Variants in ARHGAP21 observed in about 807,000 individuals in gnomAD.
ARHGAP21 encodes the protein rho GTPase-activating protein 21.
A neutral mutation model predicts 164.6 loss-of-function variants in ARHGAP21; 38 were observed. The ratio of observed to expected loss-of-function variants is 0.23; its 90% confidence interval spans 0.18 to 0.30. The LOEUF (loss-of-function observed/expected upper bound fraction) is 0.30, where lower values mean the gene tolerates loss of function less well. Among genes scored for constraint, ARHGAP21 ranks in the 10% least tolerant of loss-of-function variants. The probability of loss-of-function intolerance (pLI) is 1.00; values close to 1 mark genes in which losing one functional copy is unlikely to be tolerated. For synonymous variants in ARHGAP21, 766 were observed against 857.9 expected (o/e 0.89, Z 1.87); for missense variants, 1,822 against 2,370.7 (o/e 0.77, Z 4.81).
chr10:24,636,304 G>A (rs1426367400), intron 4 of ARHGAP21, among the ~76,000 whole-genome samples: 3 of 152,322 alleles, frequency 2.0e-5, no homozygotes, highest in African/African-American at 7.2e-5. Flanking sequence ...TAGTTCTAAA[G>A]GTGTGGTCCC....
intron 4 of ARHGAP21, among the ~76,000 whole-genome samples, chr10:24,653,423 A>C (rs1033604331): frequency 3.3e-5 from 5 of 152,142 alleles, no homozygotes; most frequent in African/African-American, 4.8e-5. Context: ...AAATACAAAA[A>C]AAATTAGCCA....
At chr10:24,651,633 A>G (rs533454843) in intron 4 of ARHGAP21, among the ~76,000 whole-genome samples, 2 of 152,330 alleles carry the variant, frequency 1.3e-5, no homozygotes, top group Non-Finnish European at 2.9e-5. Flanking sequence ...CACTGTGGAC[A>G]AGTTTGGTTT....
chr10:24,599,755 T>G (rs1208552658), intron 14 of ARHGAP21, among the ~76,000 whole-genome samples: 2 of 152,202 alleles, frequency 1.3e-5, no homozygotes, highest in Non-Finnish European at 2.9e-5. Context: ...AAAAACTATC[T>G]TTACTATTGA....
chr10:24,672,884 C>CAAAAACA (rs1555000041), intron 2 of ARHGAP21, among the ~76,000 whole-genome samples: 123 of 147,620 alleles, frequency 8.3e-4, no homozygotes, highest in South Asian at 3.0e-3. Flanking sequence ...AAAACAAAAA[C>CAAAAACA]AAAAAAAAAC....
At chr10:24,721,581 C>T (rs1379478233) in intron 2 of ARHGAP21, among the ~76,000 whole-genome samples, 2 of 152,212 alleles carry the variant, frequency 1.3e-5, no homozygotes, top group Non-Finnish European at 2.9e-5. Flanking sequence ...GAATTCCTGG[C>T]TCTGAGAAGG....
At chr10:24,589,683 T>C (rs2076253372) in intron 24 of ARHGAP21, 1 of 181,124 alleles carries the variant, frequency 5.5e-6, no homozygotes. Context: ...TGATACACAA[T>C]GTAGAACTTT....
rs1166500495 is a variant in ARHGAP21 at position 24,585,244 on chromosome 10, G to C, written c.5045C>G (p.Thr1682Arg). 4 of 1,606,066 alleles carry C rather than the reference G, an allele frequency of 2.5e-6. No individual in the cohort carries two copies. Among genetic ancestry groups the C allele is most frequent in the Admixed American group, 3.3e-5 (2 of 59,918 alleles). ...CTGTCTCCGGCTATCTAAACTTGAT[G>C]TTAAACTTCCCTCGGTGCAACTTAA... Reference protein sequence around the residue: ...SELSCTEGSLTSSLDSRRQLF... With the variant: ...SELSCTEGSLRSSLDSRRQLF... The change falls in exon 26 of 26, where the codon ACA becomes AGA. Residue 1682 changes from threonine to arginine, a missense_variant. Thr to Arg is a moderately conservative substitution (Grantham distance 71). This residue lies in a region of ARHGAP21 where 117 missense variants were observed against 193.2 expected (regional missense o/e 0.61). Coordinates refer to ENST00000396432, the MANE Select transcript of ARHGAP21 (RefSeq NM_020824.4).
chr10:24,591,387 A>G, intron 23 of ARHGAP21, 57 bp from the exon 24 acceptor site: 1 of 1,454,036 alleles, frequency 6.9e-7, no homozygotes, highest in Non-Finnish European at 9.5e-7. Flanking sequence ...TTTCTTTAAA[A>G]TTTAAACAAC....
At chr10:24,654,318 GAA>G (rs1446513114) in intron 4 of ARHGAP21, among the ~76,000 whole-genome samples, 2 of 152,126 alleles carry the variant, frequency 1.3e-5, no homozygotes, top group Non-Finnish European at 2.9e-5. Flanking sequence ...ATTCAATTAG[GAA>G]AAGAGGAGGT....
chr10:24,668,963 G>A (rs1840449654), intron 3 of ARHGAP21, among the ~76,000 whole-genome samples: 1 of 152,110 alleles, frequency 6.6e-6, no homozygotes, highest in Non-Finnish European at 1.5e-5. Flanking sequence ...TAATTATCAA[G>A]TGCTCTCATA....
intron 3 of ARHGAP21, 35 bp downstream of exon 3, chr10:24,670,183 T>C (rs531076679): frequency 6.9e-7 from 1 of 1,459,822 alleles, no homozygotes; most frequent in Non-Finnish European, 9.2e-7. Context: ...GGCCTTGTGG[T>C]TTTTTTTTCA....
chr10:24,670,981 C>T (rs1251090746), intron 2 of ARHGAP21, among the ~76,000 whole-genome samples: 1 of 152,166 alleles, frequency 6.6e-6, no homozygotes, highest in East Asian at 1.9e-4. Context: ...CCTTCTAAGC[C>T]CAAATCAAGA....
intron 24 of ARHGAP21, 144 bp downstream of exon 24, chr10:24,591,081 G>T: frequency 1.0e-6 from 1 of 967,762 alleles, no homozygotes; most frequent in Non-Finnish European, 1.5e-6. Context: ...AATTGGAAAA[G>T]GAAGATTAAG....
intron 12 of ARHGAP21, among the ~76,000 whole-genome samples, chr10:24,602,625 C>G (rs1488698386): frequency 6.6e-6 from 1 of 152,078 alleles, no homozygotes; most frequent in African/African-American, 2.4e-5. Context: ...ACAGCTAATT[C>G]TAGGTCATTA....
At chr10:24,713,803 T>C (rs549129788) in intron 2 of ARHGAP21, among the ~76,000 whole-genome samples, 2 of 152,282 alleles carry the variant, frequency 1.3e-5, no homozygotes, top group African/African-American at 4.8e-5. Context: ...TATAGTACAA[T>C]ATATCCATTT....
intron 9 of ARHGAP21, among the ~76,000 whole-genome samples, 178 bp downstream of exon 9, chr10:24,619,295 A>T (rs1234400668): frequency 6.6e-6 from 1 of 152,134 alleles, no homozygotes; most frequent in Non-Finnish European, 1.5e-5. Flanking sequence ...TTGGTACTAG[A>T]AATAACTTTT....
chr10:24,647,331 G>A (rs1487283251), intron 4 of ARHGAP21, among the ~76,000 whole-genome samples: 1 of 152,112 alleles, frequency 6.6e-6, no homozygotes, highest in Admixed American at 6.5e-5. Flanking sequence ...ATTTTACAAA[G>A]AGGAAGTTCA....
intron 2 of ARHGAP21, among the ~76,000 whole-genome samples, chr10:24,693,997 G>A (rs1842947496): frequency 1.3e-5 from 2 of 152,104 alleles, no homozygotes; most frequent in Admixed American, 1.3e-4. Flanking sequence ...ACAGTGGTCA[G>A]GACAAAATCA....
chr10:24,626,600 C>T (rs1053938774), intron 7 of ARHGAP21, among the ~76,000 whole-genome samples: 14 of 152,082 alleles, frequency 9.2e-5, no homozygotes, highest in Non-Finnish European at 1.6e-4. Flanking sequence ...TGTTTATAGG[C>T]CATCCAGTCT....
Sources: allele counts gnomAD v4.1 joint callset (sites outside exome capture counted in the v4.1 genomes callset), GRCh38; gene constraint gnomAD v4.1.1; regional missense constraint gnomAD v4.1.1; transcripts MANE v1.5; gene names NCBI Gene and HGNC (gene_info 2026-07-23, HGNC 2026-07-21).